The following CDH2 variants were observed in gnomAD, a reference collection of about 807,000 sequenced individuals.
The protein encoded by CDH2 is cadherin-2.
In CDH2, 17 loss-of-function variants were observed where a neutral mutation model predicts 92.0. That is an observed-to-expected ratio of 0.18 (90% CI 0.13 to 0.28). CDH2 has a LOEUF of 0.28. Among genes scored for constraint, CDH2 ranks in the 10% least tolerant of loss-of-function variants. CDH2 has a pLI of 1.00. For synonymous variants in CDH2, 419 were observed against 415.9 expected (o/e 1.01, Z -0.09); for missense variants, 862 against 1,133.1 (o/e 0.76, Z 3.44).
intron 2 of CDH2, among the ~76,000 whole-genome samples, chr18:28,122,992 A>G (rs1183559721): frequency 1.3e-5 from 2 of 152,140 alleles, no homozygotes; most frequent in African/African-American, 4.8e-5. Context: ...AGTTTGTGAA[A>G]AATGTTAAGA....
At chr18:27,992,514 C>T (rs1235512322) in intron 9 of CDH2, 141 bp downstream of exon 9, 19 of 617,776 alleles carry the variant, frequency 3.1e-5, no homozygotes, top group Non-Finnish European at 4.9e-5. Context: ...ATATAACCTC[C>T]CAAATATATA....
intron 1 of CDH2, among the ~76,000 whole-genome samples, chr18:28,166,319 T>G (rs2016384776): frequency 1.3e-5 from 2 of 151,848 alleles, no homozygotes; most frequent in Admixed American, 1.3e-4. Context: ...ATACGCAATC[T>G]GCAAAATAAT....
chr18:27,981,349 C>T (rs761165693), intron 14 of CDH2, among the ~76,000 whole-genome samples: 5 of 152,132 alleles, frequency 3.3e-5, no homozygotes, highest in Non-Finnish European at 7.4e-5. Context: ...TTAAGCCAAA[C>T]ATGAATTTTA....
intron 2 of CDH2, chr18:28,045,694 A>G: frequency 4.1e-6 from 1 of 243,980 alleles, no homozygotes; most frequent in South Asian, 4.6e-5. Flanking sequence ...CTTCAACTGT[A>G]CTCTTTAAAT....
At chr18:28,090,553 ACC>A (rs1300497654) in intron 2 of CDH2, among the ~76,000 whole-genome samples, 2 of 152,122 alleles carry the variant, frequency 1.3e-5, no homozygotes, top group East Asian at 3.9e-4. Flanking sequence ...TGTTACCCAT[ACC>A]CTTCCCTCCA....
At chr18:28,055,830 T>C (rs139416738) in intron 2 of CDH2, among the ~76,000 whole-genome samples, 24 of 152,258 alleles carry the variant, frequency 1.6e-4, no homozygotes, top group African/African-American at 5.8e-4. Context: ...AAAATATTTT[T>C]CTATGGGGAA....
At chr18:28,139,044 C>T (rs1043657942) in intron 2 of CDH2, among the ~76,000 whole-genome samples, 1 of 151,958 alleles carries the variant, frequency 6.6e-6, no homozygotes, top group Non-Finnish European at 1.5e-5. Context: ...TCATTTTTAT[C>T]CTCTCTGCCA....
At chr18:28,163,567 A>G (rs1295492597) in intron 1 of CDH2, among the ~76,000 whole-genome samples, 3 of 152,264 alleles carry the variant, frequency 2.0e-5, no homozygotes, top group African/African-American at 7.2e-5. Context: ...GGTGGCATGC[A>G]TAAGAATGCT....
chr18:27,955,458 G>A (rs1909667026), intron 15 of CDH2, among the ~76,000 whole-genome samples: 1 of 150,312 alleles, frequency 6.7e-6, no homozygotes, highest in Non-Finnish European at 1.5e-5. Flanking sequence ...AAGGGTCAAT[G>A]GCAAGGCCTC....
rs536365577 is a variant in CDH2, at chr18:27,995,900, T to C, written c.1021-2263A>G. On this transcript the variant is annotated intron_variant, in intron 7 of 15. Transcript: ENST00000269141. The stretch of plus-strand genomic sequence containing the variant: ...CATTCTTATATTTAGTAAGGAAGGC[T>C]TGATAGCCTGTGTTTTAGACAACTG... Among the ~76,000 whole-genome samples, 7 of 152,354 alleles carry C rather than the reference T, an allele frequency of 4.6e-5. 1 individual carries two copies. The South Asian group carries it at 1.4e-3, about 32-fold the overall frequency.
intron 14 of CDH2, among the ~76,000 whole-genome samples, chr18:27,970,257 T>A (rs1460769148): frequency 2.0e-5 from 3 of 152,172 alleles, no homozygotes; most frequent in Non-Finnish European, 4.4e-5. Context: ...ACTGTCTGTC[T>A]TGGGAGACAA....
intron 10 of CDH2, among the ~76,000 whole-genome samples, chr18:27,989,781 T>C (rs1288293105): frequency 1.3e-5 from 2 of 152,164 alleles, no homozygotes; most frequent in Non-Finnish European, 2.9e-5. Flanking sequence ...CTGCGGAACC[T>C]TTTTGTGATG....
chr18:28,176,760 TACTGGCCCCGGCAAC>T, intron 1 of CDH2, among the ~76,000 whole-genome samples, 188 bp downstream of exon 1: 1 of 151,542 alleles, frequency 6.6e-6, no homozygotes, highest in African/African-American at 2.4e-5. Flanking sequence ...GCGAGAGACC[TACTGGCCCCGGCAAC>T]CCTGCCCCGG....
At chr18:27,934,260 G>C (rs1323458934) in intron 6 of CDH2, among the ~76,000 whole-genome samples, 1 of 152,142 alleles carries the variant, frequency 6.6e-6, no homozygotes, top group Non-Finnish European at 1.5e-5. Context: ...GCTGCTGTCT[G>C]TATCGATGTC....
chr18:27,965,820 T>TA, intron 14 of CDH2, among the ~76,000 whole-genome samples: 1 of 151,486 alleles, frequency 6.6e-6, no homozygotes, highest in East Asian at 2.0e-4. Flanking sequence ...CCATCTCTAC[T>TA]AAAAAATACA....
chr18:28,018,065 A>T (rs2013301932), intron 2 of CDH2, among the ~76,000 whole-genome samples: 1 of 152,112 alleles, frequency 6.6e-6, no homozygotes, highest in Non-Finnish European at 1.5e-5. Flanking sequence ...ATGTTTCAGG[A>T]TACAAAATTA....
chr18:28,100,084 C>T (rs2015202250), intron 2 of CDH2, among the ~76,000 whole-genome samples: 1 of 152,096 alleles, frequency 6.6e-6, no homozygotes, highest in Admixed American at 6.5e-5. Context: ...ACTGGATAAA[C>T]ACCACATGTG....
intron 2 of CDH2, chr18:28,045,707 T>G (rs2014061644): frequency 5.1e-6 from 1 of 195,882 alleles, no homozygotes; most frequent in African/African-American, 2.3e-5. Flanking sequence ...CTTTAAATGC[T>G]TCCATCACAG....
intron 7 of CDH2, among the ~76,000 whole-genome samples, chr18:28,002,332 A>G (rs1038860124): frequency 6.6e-6 from 1 of 152,170 alleles, no homozygotes; most frequent in East Asian, 1.9e-4. Flanking sequence ...TAAAAGAAGT[A>G]CCCATTCCAT....
Sources: gnomAD v4.1 joint callset for allele counts (sites outside exome capture counted in the v4.1 genomes callset) on GRCh38, gnomAD v4.1.1 for gene constraint, MANE v1.5 for transcripts, NCBI Gene and HGNC (gene_info 2026-07-23, HGNC 2026-07-21) for gene names.